Variants in TUSC3 observed in about 807,000 individuals in gnomAD.
The protein encoded by TUSC3 is tumor suppressor candidate 3.
TUSC3 carries 45 observed loss-of-function variants against 44.8 expected under a neutral mutation model. The observed-to-expected ratio is 1.00, with a 90% confidence interval of 0.79 to 1.29. The LOEUF is 1.29. Among genes scored for constraint, TUSC3 ranks in the 50% most tolerant of loss-of-function variants. The pLI is 0.00. For missense variants in TUSC3, 519 were observed against 437.9 expected (o/e 1.19, Z -1.65); for synonymous variants, 212 against 152.9 (o/e 1.39, Z -2.85).
intron 1 of TUSC3, among the ~76,000 whole-genome samples, chr8:15,466,185 A>G (rs935245738): frequency 6.6e-6 from 1 of 152,164 alleles, no homozygotes; most frequent in Non-Finnish European, 1.5e-5. Context: ...TTTTTCTCCT[A>G]AAGGCAGCAT....
chr8:15,596,782 T>C (rs1410245810), intron 1 of TUSC3, among the ~76,000 whole-genome samples: 1 of 152,138 alleles, frequency 6.6e-6, no homozygotes, highest in Non-Finnish European at 1.5e-5. Flanking sequence ...TGGTTGGGGT[T>C]GAATATAGTG....
At chr8:15,504,600 TATATATATATATATATA>T (rs1563268529) in intron 2 of TUSC3, among the ~76,000 whole-genome samples, 2 of 41,178 alleles carry the variant, frequency 4.9e-5, no homozygotes, top group East Asian at 6.7e-4. Flanking sequence ...TATATATATA[TATATATATATATATATA>T]TATATTTTTT....
the TUSC3 span, among the ~76,000 whole-genome samples, chr8:15,802,667 CTTTT>C: frequency 4.7e-5 from 7 of 147,664 alleles, no homozygotes; most frequent in African/African-American, 1.7e-4. Flanking sequence ...GGATTAATTA[CTTTT>C]TTTTTTTTGC....
chr8:15,760,101 A>G (rs1459722468), intron 10 of TUSC3, among the ~76,000 whole-genome samples: 2 of 152,190 alleles, frequency 1.3e-5, no homozygotes, highest in Non-Finnish European at 2.9e-5. Flanking sequence ...TAGTGTCAGA[A>G]TTATTTTAAG....
At chr8:15,814,887 A>G in the TUSC3 span, among the ~76,000 whole-genome samples, 1 of 152,332 alleles carries the variant, frequency 6.6e-6, no homozygotes, top group East Asian at 1.9e-4. Context: ...TGTATACTTC[A>G]TAGTAAAGTT....
intron 1 of TUSC3, among the ~76,000 whole-genome samples, chr8:15,468,591 GC>G (rs1041695225): frequency 3.7e-4 from 57 of 152,088 alleles, no homozygotes; most frequent in Admixed American, 3.5e-3. Flanking sequence ...TAGATCTGAT[GC>G]CCCCCTCTAA....
the TUSC3 span, among the ~76,000 whole-genome samples, chr8:15,841,536 T>A: frequency 2.6e-5 from 4 of 152,070 alleles, no homozygotes; most frequent in Non-Finnish European, 5.9e-5. Context: ...TTTTTTTAGA[T>A]GGCATCTTGC....
At chr8:15,660,144 C>G (rs1192492521) in intron 4 of TUSC3, among the ~76,000 whole-genome samples, 4 of 151,926 alleles carry the variant, frequency 2.6e-5, no homozygotes, top group Admixed American at 2.6e-4. Flanking sequence ...GGAATTTAAC[C>G]TAAGGATGCA....
chr8:15,851,886 A>G, the TUSC3 span, among the ~76,000 whole-genome samples: 1 of 152,082 alleles, frequency 6.6e-6, no homozygotes, highest in Admixed American at 6.6e-5. Flanking sequence ...ATCATTGGGG[A>G]GGATTCCCCC....
intron 2 of TUSC3, among the ~76,000 whole-genome samples, chr8:15,531,472 G>A (rs922824433): frequency 2.6e-5 from 4 of 152,122 alleles, no homozygotes; most frequent in African/African-American, 4.8e-5. Flanking sequence ...GGCTGGTCTC[G>A]AACTCCTGAC....
intron 2 of TUSC3, among the ~76,000 whole-genome samples, chr8:15,626,661 C>A (rs1023228645): frequency 6.6e-6 from 1 of 152,188 alleles, no homozygotes; most frequent in Non-Finnish European, 1.5e-5. Flanking sequence ...CTTCCACTGC[C>A]TGGTCTCTCC....
chr8:15,437,602 C>T (rs186248721), intron 1 of TUSC3, among the ~76,000 whole-genome samples: 2 of 152,302 alleles, frequency 1.3e-5, no homozygotes, highest in East Asian at 3.9e-4. Flanking sequence ...AGACAATCAT[C>T]TCCTATTAAG....
At chr8:15,685,624 A>G (rs1468789678) in intron 6 of TUSC3, among the ~76,000 whole-genome samples, 1 of 152,072 alleles carries the variant, frequency 6.6e-6, no homozygotes, top group Non-Finnish European at 1.5e-5. Flanking sequence ...TGGGCTATTT[A>G]TTTCTACTAC....
At chr8:15,439,930 A>G (rs1370825572) in intron 1 of TUSC3, among the ~76,000 whole-genome samples, 2 of 152,216 alleles carry the variant, frequency 1.3e-5, no homozygotes, top group East Asian at 3.8e-4. Context: ...AATGCAACAG[A>G]TACTAGTTAA....
At chr8:15,493,415 A>G (rs1800836994) in intron 2 of TUSC3, among the ~76,000 whole-genome samples, 1 of 152,098 alleles carries the variant, frequency 6.6e-6, no homozygotes, top group African/African-American at 2.4e-5. Flanking sequence ...GGCATGCCCC[A>G]TCATGCCTGG....
At chr8:15,503,185 C>G (rs775847089) in intron 2 of TUSC3, among the ~76,000 whole-genome samples, 1 of 152,018 alleles carries the variant, frequency 6.6e-6, no homozygotes, top group Admixed American at 6.6e-5. Context: ...GGGCCTTAAT[C>G]TAACATGACA....
intron 2 of TUSC3, among the ~76,000 whole-genome samples, chr8:15,499,474 T>C (rs1467322241): frequency 6.6e-6 from 1 of 152,214 alleles, no homozygotes; most frequent in Admixed American, 6.5e-5. Flanking sequence ...TCTTCTGATA[T>C]CTATCACTAC....
chr8:15,733,894 A>G (rs1810825289), intron 7 of TUSC3, among the ~76,000 whole-genome samples: 1 of 152,138 alleles, frequency 6.6e-6, no homozygotes, highest in Non-Finnish European at 1.5e-5. Context: ...AAATTACAAA[A>G]TTAGCCAGAT....
At chr8:15,606,466 G>T (rs1471002428) in intron 1 of TUSC3, among the ~76,000 whole-genome samples, 1 of 151,960 alleles carries the variant, frequency 6.6e-6, no homozygotes, top group Admixed American at 6.6e-5. Context: ...GACTGTGTGG[G>T]TGCCCCTAAC....
Sources: gnomAD v4.1 joint callset for allele counts (sites outside exome capture counted in the v4.1 genomes callset) on GRCh38, gnomAD v4.1.1 for gene constraint, MANE v1.5 for transcripts, NCBI Gene and HGNC (gene_info 2026-07-23, HGNC 2026-07-21) for gene names.